The following CPXM2 variants were observed in gnomAD, a reference collection of about 807,000 sequenced individuals.
CPXM2 encodes inactive carboxypeptidase-like protein X2.
CPXM2 carries 66 observed loss-of-function variants against 86.1 expected under a neutral mutation model. The ratio of observed to expected loss-of-function variants is 0.77; its 90% CI spans 0.63 to 0.94. The LOEUF (loss-of-function observed/expected upper bound fraction) is 0.94. Ranked by LOEUF, CPXM2 falls within the 40% of genes least tolerant of loss-of-function variation. The pLI, the probability that CPXM2 is intolerant of heterozygous loss-of-function variation, is 0.00. For synonymous variants in CPXM2, 388 were observed against 400.2 expected (o/e 0.97, Z 0.36); for missense variants, 948 against 1,026.3 (o/e 0.92, Z 1.04).
intron 2 of CPXM2, among the ~76,000 whole-genome samples, chr10:123,901,475 T>TGTGTG (rs1479843234): frequency 6.6e-5 from 5 of 76,126 alleles, no homozygotes; most frequent in Non-Finnish European, 1.1e-4. Flanking sequence ...GTGTGTGTGT[T>TGTGTG]TTCCCCTATG....
At chr10:123,767,576 C>A (rs183288187) in intron 9 of CPXM2, among the ~76,000 whole-genome samples, 49 of 152,324 alleles carry the variant, frequency 3.2e-4, no homozygotes, top group Admixed American at 2.9e-3. Flanking sequence ...CTGACTATAT[C>A]TGCACCAATA....
chr10:123,874,426 G>A (rs983257373), intron 2 of CPXM2, among the ~76,000 whole-genome samples: 1 of 151,472 alleles, frequency 6.6e-6, no homozygotes, highest in African/African-American at 2.4e-5. Flanking sequence ...CCATCACCTT[G>A]TGGGTTAGCA....
intron 2 of CPXM2, among the ~76,000 whole-genome samples, chr10:123,902,320 T>C (rs1404921215): frequency 6.6e-6 from 1 of 152,202 alleles, no homozygotes; most frequent in East Asian, 1.9e-4. Context: ...TAGAGCAGGC[T>C]GACCTCACCA....
rs548892104 is a variant in CPXM2 at position 123,753,200 on chromosome 10, G to A, written c.2017+1463C>T. On this transcript the variant is annotated intron_variant, in intron 13 of 13. Coordinates refer to ENST00000241305, the MANE Select transcript of CPXM2 (RefSeq NM_198148.3). ...TGACCCCCGTGTAGTGTCAGTCCAC[G>A]GGGATCAGTGGGAAGTCAGATCATG... is the stretch of plus-strand genomic sequence containing the variant. 1.6e-4 allele frequency among the ~76,000 whole-genome samples: 24 copies of A among 152,242 alleles called. No homozygotes were observed. The East Asian group carries it at 2.7e-3, about 17-fold the overall frequency.
intron 3 of CPXM2, among the ~76,000 whole-genome samples, chr10:123,854,384 TAA>T (rs1491531224): frequency 1.1e-4 from 13 of 118,652 alleles, no homozygotes; most frequent in African/African-American, 2.4e-4. Context: ...AATATATATA[TAA>T]TATATATATT....
At chr10:123,922,795 G>A (rs899550013) in intron 2 of CPXM2, among the ~76,000 whole-genome samples, 1 of 152,226 alleles carries the variant, frequency 6.6e-6, no homozygotes, top group Admixed American at 6.5e-5. Context: ...AGAACTTCAT[G>A]TTGCAGCCTG....
intron 4 of CPXM2, among the ~76,000 whole-genome samples, chr10:123,839,722 T>C (rs1848347180): frequency 6.6e-6 from 1 of 152,168 alleles, no homozygotes; most frequent in African/African-American, 2.4e-5. Flanking sequence ...TTTTTGACGT[T>C]TTCTGGACAT....
rs900830075 is a variant in CPXM2, at chr10:123,865,490, C to T, written c.404-2767G>A. 2.6e-5 allele frequency among the ~76,000 whole-genome samples: 4 copies of T among 152,146 alleles called. No individual in the cohort carries two copies. Among genetic ancestry groups the T allele is most frequent in the Non-Finnish European group, 4.4e-5 (3 of 68,028 alleles). ...AAGGACAGAGGCGGGACACAGGACA[C>T]GTGCAGGTGGAAAGGCACAGAGCTC... On this transcript the variant is annotated intron_variant, in intron 2 of 13. Coordinates refer to ENST00000241305, the MANE Select transcript of CPXM2 (RefSeq NM_198148.3). The surrounding 1 kb of genome is among the most constrained non-coding windows in gnomAD (Gnocchi z 4.7).
At chr10:123,878,875 C>T (rs1207815491) in intron 2 of CPXM2, among the ~76,000 whole-genome samples, 1 of 152,038 alleles carries the variant, frequency 6.6e-6, no homozygotes, top group African/African-American at 2.4e-5. Context: ...CCTGCTTGGG[C>T]ACAAAATGCC....
intron 4 of CPXM2, among the ~76,000 whole-genome samples, chr10:123,805,745 GA>G (rs143877056): frequency 7.9e-5 from 12 of 151,600 alleles, no homozygotes; most frequent in African/African-American, 2.9e-4. Context: ...ATTAAGATTG[GA>G]AAAAAAATCA....
intron 2 of CPXM2, among the ~76,000 whole-genome samples, chr10:123,905,669 C>T (rs1181328818): frequency 6.6e-6 from 1 of 152,146 alleles, no homozygotes; most frequent in Non-Finnish European, 1.5e-5. Context: ...ACTGCTCCTT[C>T]CCACGCAGCT....
intron 2 of CPXM2, among the ~76,000 whole-genome samples, chr10:123,869,675 C>A (rs1198747189): frequency 1.3e-5 from 2 of 152,174 alleles, no homozygotes; most frequent in African/African-American, 2.4e-5. Flanking sequence ...TTCTACCCCA[C>A]CCCACGCACG....
intron 4 of CPXM2, among the ~76,000 whole-genome samples, chr10:123,819,743 TTA>T (rs1847886879): frequency 6.6e-6 from 1 of 152,212 alleles, no homozygotes; most frequent in African/African-American, 2.4e-5. Flanking sequence ...TATTTGAAGA[TTA>T]TATATGATAT....
intron 2 of CPXM2, among the ~76,000 whole-genome samples, chr10:123,918,486 C>T (rs913274157): frequency 1.3e-5 from 2 of 152,154 alleles, no homozygotes; most frequent in African/African-American, 4.8e-5. Context: ...AGCAGAGTGT[C>T]CTGGAGTGCT....
rs186255662 is a variant in CPXM2, at chr10:123,763,133, G to A, written c.1480-964C>T. Among the ~76,000 whole-genome samples the A allele has an allele frequency of 1.6e-4, 24 of 152,208 alleles. No individual in the cohort carries two copies. In the East Asian group the frequency reaches 2.3e-3, roughly 15 times the overall value. ...TGGCTCACTGCAACCTCCGCCTCCC[G>A]GGTTCAGGCGATTCCCCTACCTCAG... On this transcript the variant is annotated intron_variant, in intron 10 of 13. Transcript: ENST00000241305.
intron 3 of CPXM2, among the ~76,000 whole-genome samples, chr10:123,849,709 G>A (rs910285773): frequency 6.6e-5 from 10 of 152,004 alleles, no homozygotes; most frequent in East Asian, 1.9e-4. Flanking sequence ...CACCGTGCCC[G>A]GCCTTACATT....
chr10:123,891,412 G>A lies in CPXM2; in HGVS notation c.248C>T (p.Thr83Ile), dbSNP rs779140546. ...CCTCTTGGGAGCTTTCTTGGGCTTG[G>A]TGGCCCTCTTGGGCGGCCTGGGCTC... The part of the protein sequence containing the change: ...PQEPRPPKRA[T>I]KPKKAPKREK... Residue 83 changes from threonine to isoleucine, a missense_variant, in exon 1 of 14, where the codon ACC (threonine) becomes ATC (isoleucine). By Grantham distance (89) the Thr-to-Ile change is moderately conservative (BLOSUM62 -1). Coordinates refer to ENST00000241305, the MANE Select transcript of CPXM2 (RefSeq NM_198148.3). The surrounding 1 kb of genome is among the most constrained non-coding windows in gnomAD (Gnocchi z 5.6). 1 of 1,564,644 alleles carries A rather than the reference G, an allele frequency of 6.4e-7. No individual in the cohort carries two copies. Among genetic ancestry groups the A allele is most frequent in the Non-Finnish European group, 8.7e-7 (1 of 1,154,406 alleles).
rs1476682924 is a variant in CPXM2, at chr10:123,877,878, C to T, written c.403+2333G>A. On this transcript the variant is annotated intron_variant, in intron 2 of 13. Transcript: ENST00000241305. ...AGCTAAAGTTCCATAAGGATGACTT[C>T]TACATCTGAGATGAGCCTTTTAACC... Among the ~76,000 whole-genome samples the T allele has an allele frequency of 2.0e-5, 3 of 152,236 alleles. No homozygotes were observed. In the East Asian group the frequency reaches 5.8e-4, roughly 29 times the overall value.
intron 6 of CPXM2, among the ~76,000 whole-genome samples, chr10:123,797,545 C>T (rs1340498196): frequency 6.6e-6 from 1 of 152,034 alleles, no homozygotes; most frequent in Non-Finnish European, 1.5e-5. Context: ...TATTTTTTTA[C>T]ATAAGAAAAC....
Sources: gnomAD v4.1 joint callset for allele counts (sites outside exome capture counted in the v4.1 genomes callset) on GRCh38, gnomAD v4.1.1 for gene constraint, Gnocchi (gnomAD v3.1) non-coding constraint, MANE v1.5 for transcripts, NCBI Gene and HGNC (gene_info 2026-07-23, HGNC 2026-07-21) for gene names.